IL1RAPL2: variants seen among roughly 807,000 people sequenced by gnomAD.
The protein encoded by IL1RAPL2 is interleukin 1 receptor accessory protein like 2, also known as X-linked interleukin-1 receptor accessory protein-like 2.
In IL1RAPL2, 3 loss-of-function variants were observed where a neutral mutation model predicts 44.1. That is an observed-to-expected ratio of 0.07 (90% confidence interval 0.03 to 0.18). The LOEUF (loss-of-function observed/expected upper bound fraction) is 0.18. Ranked by LOEUF, IL1RAPL2 falls within the 10% of genes least tolerant of loss-of-function variation. The probability of loss-of-function intolerance (pLI) is 1.00; values close to 1 mark genes in which losing one functional copy is unlikely to be tolerated. For synonymous variants in IL1RAPL2, 181 were observed against 178.8 expected (o/e 1.01, Z -0.10); for missense variants, 391 against 496.4 (o/e 0.79, Z 2.02).
rs147539424 is a variant in IL1RAPL2, at chrX:104,917,297, G to A, written c.82+258302G>A. ...TATTGAAAGTGAAAGAAAAGAATCT[G>A]AAAGGCTCAAAGTCTCTCACATTCT... On this transcript the variant is annotated intron_variant, in intron 2 of 10. Transcript: ENST00000372582. Among the ~76,000 whole-genome samples, 56 of 111,865 alleles carry A rather than the reference G, an allele frequency of 5.0e-4. No homozygotes were observed. In the East Asian group the frequency reaches 0.015, roughly 31 times the overall value.
chrX:105,743,025 C>G (rs768110023), intron 8 of IL1RAPL2, among the ~76,000 whole-genome samples: 45 of 111,205 alleles, frequency 4.0e-4, no homozygotes, highest in Non-Finnish European at 7.4e-4. Context: ...ACTTTCAAAG[C>G]CTATTTAGAC....
At chrX:105,763,748 C>A (rs909640991) in intron 10 of IL1RAPL2, among the ~76,000 whole-genome samples, 5 of 110,856 alleles carry the variant, frequency 4.5e-5, no homozygotes, top group African/African-American at 1.6e-4. Flanking sequence ...CCAGTCAGCT[C>A]TTAGAGGCAC....
At chrX:104,715,678 G>T (rs1240945047) in intron 2 of IL1RAPL2, among the ~76,000 whole-genome samples, 15 of 61,523 alleles carry the variant, frequency 2.4e-4, no homozygotes, top group African/African-American at 8.7e-4. Context: ...ATTCACAATT[G>T]CTAAAAAAAA....
intron 2 of IL1RAPL2, among the ~76,000 whole-genome samples, chrX:104,863,437 C>T (rs1389935227): frequency 8.9e-6 from 1 of 112,023 alleles, no homozygotes; most frequent in Non-Finnish European, 1.9e-5. Flanking sequence ...AACATAAGAC[C>T]TTTCATATGA....
chrX:105,143,225 A>G (rs2033142875), intron 2 of IL1RAPL2, among the ~76,000 whole-genome samples: 3 of 111,822 alleles, frequency 2.7e-5, no homozygotes, highest in Admixed American at 1.9e-4. Flanking sequence ...CAGAATCTAC[A>G]ATGAACACAA....
intron 2 of IL1RAPL2, among the ~76,000 whole-genome samples, chrX:104,929,444 C>T (rs1434632660): frequency 8.9e-6 from 1 of 111,878 alleles, no homozygotes; most frequent in Non-Finnish European, 1.9e-5. Flanking sequence ...TCTCTAGCAA[C>T]ATTAGCCCTC....
chrX:105,593,249 G>A (rs1183640592), intron 6 of IL1RAPL2, among the ~76,000 whole-genome samples: 1 of 111,855 alleles, frequency 8.9e-6, no homozygotes, highest in Non-Finnish European at 1.9e-5. Context: ...ACTGTATTAT[G>A]AAATTATTGT....
intron 2 of IL1RAPL2, among the ~76,000 whole-genome samples, chrX:105,086,071 T>C (rs1280824419): frequency 9.0e-6 from 1 of 111,254 alleles, no homozygotes; most frequent in African/African-American, 3.3e-5. Flanking sequence ...TAAGTGAACC[T>C]GCACAGTTCA....
intron 2 of IL1RAPL2, among the ~76,000 whole-genome samples, chrX:105,191,991 A>G (rs1556137536): frequency 1.8e-5 from 2 of 111,765 alleles, no homozygotes; most frequent in Non-Finnish European, 3.8e-5. Context: ...AATAGGTACC[A>G]CTGGAATTGT....
At chrX:105,467,990 A>T (rs1403116866) in intron 5 of IL1RAPL2, among the ~76,000 whole-genome samples, 1 of 111,954 alleles carries the variant, frequency 8.9e-6, no homozygotes, top group Non-Finnish European at 1.9e-5. Flanking sequence ...CCTTCTAGGT[A>T]ATTCTGGTAA....
chrX:105,363,304 ATATAAT>A (rs1190173697), intron 5 of IL1RAPL2, among the ~76,000 whole-genome samples: 9 of 75,999 alleles, frequency 1.2e-4, no homozygotes, highest in African/African-American at 9.9e-4. Context: ...ATATATATAT[ATATAAT>A]ATATATATAT....
At chrX:105,041,051 T>A (rs1307081106) in intron 2 of IL1RAPL2, among the ~76,000 whole-genome samples, 15 of 101,535 alleles carry the variant, frequency 1.5e-4, no homozygotes, top group Non-Finnish European at 2.4e-4. Flanking sequence ...CTGCTTTGAA[T>A]GTGTCCCAGA....
At position 105,005,623 on chromosome X, in the gene IL1RAPL2, A is replaced by T. The variant is rs960403745; in HGVS notation, c.83-189852A>T. Among the ~76,000 whole-genome samples, 7 of 110,255 alleles carry T rather than the reference A, an allele frequency of 6.3e-5. No individual in the cohort carries two copies. The East Asian group carries it at 1.4e-3, about 23-fold the overall frequency. On this transcript the variant is annotated intron_variant, in intron 2 of 10. Transcript: ENST00000372582. Reference sequence around the variant, plus strand: ...ACCTCTTTCCCCCTCTTCTGCTTATATTATAGGCCTACTAGTTCCCTCTAC... The same window carrying T: ...ACCTCTTTCCCCCTCTTCTGCTTATTTTATAGGCCTACTAGTTCCCTCTAC...
intron 5 of IL1RAPL2, among the ~76,000 whole-genome samples, chrX:105,408,202 A>G (rs1036850226): frequency 1.8e-5 from 2 of 112,363 alleles, no homozygotes; most frequent in Non-Finnish European, 3.8e-5. Context: ...AAGATGTAAT[A>G]CCAATCAGTC....
intron 2 of IL1RAPL2, among the ~76,000 whole-genome samples, chrX:104,992,856 T>C (rs772764774): frequency 9.0e-6 from 1 of 111,619 alleles, no homozygotes; most frequent in Non-Finnish European, 1.9e-5. Flanking sequence ...TGTTCTATGA[T>C]TTAGCTTGAG....
intron 1 of IL1RAPL2, among the ~76,000 whole-genome samples, chrX:104,585,238 ATAATATATGATATATAATAT>A (rs1230359899): frequency 0.011 from 569 of 53,204 alleles, 68 homozygotes; most frequent in African/African-American, 0.044. Flanking sequence ...GTGTATATAT[ATAATATATGATATATAATAT>A]ATATATAATA....
intron 6 of IL1RAPL2, among the ~76,000 whole-genome samples, chrX:105,657,004 T>A (rs1448995142): frequency 1.8e-5 from 2 of 111,180 alleles, no homozygotes; most frequent in African/African-American, 6.6e-5. Flanking sequence ...GCAAATAGAG[T>A]CCATTTCCTC....
intron 1 of IL1RAPL2, among the ~76,000 whole-genome samples, chrX:104,623,454 C>G (rs1207575779): frequency 9.0e-6 from 1 of 110,789 alleles, no homozygotes; most frequent in Non-Finnish European, 1.9e-5. Flanking sequence ...TTCTTTTCAA[C>G]ACTGTGTTGA....
At chrX:104,610,192 A>T (rs1180391639) in intron 1 of IL1RAPL2, among the ~76,000 whole-genome samples, 1 of 111,073 alleles carries the variant, frequency 9.0e-6, no homozygotes, top group African/African-American at 3.3e-5. Context: ...ATGGGCAAAA[A>T]CTGGAAGCAT....
Sources: allele counts gnomAD v4.1 joint callset (sites outside exome capture counted in the v4.1 genomes callset), GRCh38; gene constraint gnomAD v4.1.1; transcripts MANE v1.5; gene names NCBI Gene and HGNC (gene_info 2026-07-23, HGNC 2026-07-21).